The following AKT3 variants were observed in gnomAD, a reference collection of about 807,000 sequenced individuals.
AKT3 encodes AKT serine/threonine kinase 3, also known as RAC-gamma serine/threonine-protein kinase.
In AKT3, 15 loss-of-function variants were observed where a neutral mutation model predicts 65.3. The observed-to-expected ratio is 0.23, with a 90% CI of 0.15 to 0.35. The LOEUF is 0.35. Among genes scored for constraint, AKT3 ranks in the 10% least tolerant of loss-of-function variants. The pLI is 1.00. For synonymous variants in AKT3, 206 were observed against 183.8 expected (o/e 1.12, Z -0.98); for missense variants, 243 against 576.5 (o/e 0.42, Z 5.92).
intron 5 of AKT3, among the ~76,000 whole-genome samples, chr1:243,642,577 G>A (rs1001443537): frequency 1.3e-5 from 2 of 152,060 alleles, no homozygotes; most frequent in African/African-American, 2.4e-5. Flanking sequence ...CCAAAGTGCT[G>A]GGATTACAGG....
intron 8 of AKT3, among the ~76,000 whole-genome samples, chr1:243,610,996 A>G (rs1208132836): frequency 1.3e-5 from 2 of 152,186 alleles, no homozygotes; most frequent in East Asian, 1.9e-4. Flanking sequence ...ACTTATCTAT[A>G]TATCATTCTG....
At chr1:243,818,474 G>C (rs957849822) in intron 2 of AKT3, among the ~76,000 whole-genome samples, 5 of 152,130 alleles carry the variant, frequency 3.3e-5, no homozygotes, top group African/African-American at 1.2e-4. Context: ...CCAAAAACTA[G>C]ATACAAACAT....
chr1:243,573,133 A>C, intron 8 of AKT3, 85 bp from the exon 9 acceptor site: 3 of 1,473,928 alleles, frequency 2.0e-6, no homozygotes, highest in Non-Finnish European at 2.8e-6. Flanking sequence ...ACCTCTCATC[A>C]CCATATTGTG....
At chr1:243,612,235 G>A (rs372664750) in intron 8 of AKT3, among the ~76,000 whole-genome samples, 7 of 151,710 alleles carry the variant, frequency 4.6e-5, no homozygotes, top group East Asian at 1.9e-4. Flanking sequence ...CAGCTCCTCA[G>A]TAGCTGGGAG....
intron 12 of AKT3, among the ~76,000 whole-genome samples, chr1:243,536,884 A>C (rs1671974869): frequency 6.6e-6 from 1 of 152,148 alleles, no homozygotes; most frequent in African/African-American, 2.4e-5. Flanking sequence ...GAGTGTGATA[A>C]GGGAAGTATC....
intron 2 of AKT3, among the ~76,000 whole-genome samples, chr1:243,815,201 A>C (rs1284536300): frequency 1.3e-5 from 2 of 152,122 alleles, no homozygotes; most frequent in African/African-American, 2.4e-5. Flanking sequence ...CATTTTGCTT[A>C]TCTCTCTCCT....
At chr1:243,642,882 G>T (rs1680546178) in intron 5 of AKT3, among the ~76,000 whole-genome samples, 1 of 152,100 alleles carries the variant, frequency 6.6e-6, no homozygotes, top group African/African-American at 2.4e-5. Flanking sequence ...GGAACATAAA[G>T]AACTTCCAAG....
chr1:243,524,226 A>T (rs932226571), intron 12 of AKT3, among the ~76,000 whole-genome samples: 2 of 152,254 alleles, frequency 1.3e-5, no homozygotes, highest in South Asian at 4.1e-4. Context: ...TATGTTGTGC[A>T]TGACTTACAG....
chr1:243,750,407 A>G (rs1688730226), intron 2 of AKT3, among the ~76,000 whole-genome samples: 1 of 58,878 alleles, frequency 1.7e-5, no homozygotes, highest in African/African-American at 5.3e-5. Context: ...GCATGCACGT[A>G]TACACACACA....
intron 10 of AKT3, among the ~76,000 whole-genome samples, chr1:243,558,064 CATTT>C (rs1317592572): frequency 3.9e-5 from 6 of 152,028 alleles, no homozygotes; most frequent in Non-Finnish European, 7.4e-5. Flanking sequence ...TAGCCTCATT[CATTT>C]CTCTTCAGAT....
chr1:243,510,708 G>A (rs1283558785), intron 13 of AKT3, among the ~76,000 whole-genome samples: 2 of 152,248 alleles, frequency 1.3e-5, no homozygotes, highest in Non-Finnish European at 2.9e-5. Context: ...GAAGAGGTCA[G>A]AGAGGTGGAC....
At chr1:243,809,450 T>C (rs1327191886) in intron 2 of AKT3, among the ~76,000 whole-genome samples, 4 of 152,094 alleles carry the variant, frequency 2.6e-5, no homozygotes, top group Non-Finnish European at 5.9e-5. Flanking sequence ...CATTACATAA[T>C]GGTAAAGGGA....
At chr1:243,741,775 C>CA (rs1214993334) in intron 2 of AKT3, 1 of 152,110 alleles carries the variant, frequency 6.6e-6, no homozygotes, top group Non-Finnish European at 1.5e-5. Context: ...TACCTTGGTA[C>CA]AAACTCAGGC....
In AKT3 at chr1:243,562,064, T is replaced by C. The variant is rs1673825427; in HGVS notation, c.948+1656A>G. On this transcript the variant is annotated intron_variant, in intron 10 of 13. Coordinates refer to ENST00000673466, the MANE Select transcript of AKT3 (RefSeq NM_005465.7). ...AGCATTATTCATAGTAGCCAAAAAA[T>C]GGATGCAACCCAATGTACATCAGCT... is the stretch of plus-strand genomic sequence containing the variant. 1.3e-5 allele frequency among the ~76,000 whole-genome samples: 2 copies of C among 152,068 alleles called. 1 individual carries two copies. Among genetic ancestry groups the C allele is most frequent in the Middle Eastern group, 6.3e-3 (2 of 316 alleles).
intron 2 of AKT3, among the ~76,000 whole-genome samples, chr1:243,741,389 C>T (rs906072024): frequency 1.3e-5 from 2 of 152,022 alleles, no homozygotes; most frequent in African/African-American, 4.8e-5. Context: ...TTTTCTCATG[C>T]CAATGTTTTT....
intron 2 of AKT3, among the ~76,000 whole-genome samples, chr1:243,746,734 C>A (rs1235023856): frequency 3.9e-5 from 6 of 152,118 alleles, no homozygotes; most frequent in Admixed American, 6.5e-5. Context: ...TTATTAGAGA[C>A]AGAGAGAGAA....
chr1:243,535,688 A>G (rs1291520173), intron 12 of AKT3, among the ~76,000 whole-genome samples: 1 of 152,198 alleles, frequency 6.6e-6, no homozygotes, highest in Non-Finnish European at 1.5e-5. Flanking sequence ...CAATAAACAT[A>G]TGAGTATATG....
chr1:243,540,914 C>G (rs1672268374), intron 12 of AKT3, among the ~76,000 whole-genome samples: 3 of 152,146 alleles, frequency 2.0e-5, no homozygotes, highest in Admixed American at 2.0e-4. Context: ...GAGAGCACTT[C>G]AAAAGTACTG....
At chr1:243,842,954 A>T (rs1695337674) in intron 2 of AKT3, among the ~76,000 whole-genome samples, 171 bp downstream of exon 2, 1 of 152,198 alleles carries the variant, frequency 6.6e-6, no homozygotes, top group South Asian at 2.1e-4. Context: ...ATTACAAAAA[A>T]ATCCCTTAAT....
Sources: allele counts gnomAD v4.1 joint callset (sites outside exome capture counted in the v4.1 genomes callset), GRCh38; gene constraint gnomAD v4.1.1; transcripts MANE v1.5; gene names NCBI Gene and HGNC (gene_info 2026-07-23, HGNC 2026-07-21).